The following CUX2 variants were observed in gnomAD, a reference collection of about 807,000 sequenced individuals.
CUX2 encodes homeobox protein cut-like 2.
In CUX2, 40 loss-of-function variants were observed where a neutral mutation model predicts 144.8. That is an observed-to-expected ratio of 0.28 (90% confidence interval 0.21 to 0.36). The LOEUF is 0.36. Among genes scored for constraint, CUX2 ranks in the 10% least tolerant of loss-of-function variants. The probability of loss-of-function intolerance (pLI) is 1.00; values close to 1 mark genes in which losing one functional copy is unlikely to be tolerated. For missense variants in CUX2, 1,615 were observed against 1,994.0 expected, an observed-to-expected ratio of 0.81 and a Z score of 3.62; for synonymous variants, 827 against 875.6, an observed-to-expected ratio of 0.94 and a Z score of 0.98.
chr12:111,157,219 C>T (rs1354884562), intron 1 of CUX2, among the ~76,000 whole-genome samples: 1 of 148,312 alleles, frequency 6.7e-6, no homozygotes, highest in Non-Finnish European at 1.5e-5. Context: ...CTTCCTGGAG[C>T]TCTGCGTTGA....
chr12:111,124,026 A>G (rs1161328109), intron 1 of CUX2, among the ~76,000 whole-genome samples: 1 of 152,208 alleles, frequency 6.6e-6, no homozygotes, highest in Non-Finnish European at 1.5e-5. Flanking sequence ...TAACCATTTC[A>G]GAGTGAACAA....
At chr12:111,084,224 C>T (rs1025918976) in intron 1 of CUX2, among the ~76,000 whole-genome samples, 1 of 152,140 alleles carries the variant, frequency 6.6e-6, no homozygotes, top group Non-Finnish European at 1.5e-5. Context: ...GTTAGTGGTG[C>T]CTGGGCTGGT....
chr12:111,105,100 A>T (rs1873512350), intron 1 of CUX2, among the ~76,000 whole-genome samples: 2 of 152,178 alleles, frequency 1.3e-5, no homozygotes, highest in Admixed American at 1.3e-4. Context: ...CGCTATCCCC[A>T]GAATTGACTC....
chr12:111,034,869 C>T lies in CUX2; in HGVS notation c.63+629C>T, dbSNP rs1388588766. Among the ~76,000 whole-genome samples the T allele has an allele frequency of 6.7e-6, 1 of 149,330 alleles. No individual in the cohort carries two copies. Among genetic ancestry groups the T allele is most frequent in the Non-Finnish European group, 1.5e-5 (1 of 67,092 alleles). On this transcript the variant is annotated intron_variant, in intron 1 of 21. Coordinates refer to ENST00000261726, the MANE Select transcript of CUX2 (RefSeq NM_015267.4). The surrounding 1 kb of genome is among the most constrained non-coding windows in gnomAD (Gnocchi z 4.2). ...CGCGCCGCCACCCGGGGGCCGCCGCCGCCGCCGCCAGAGCCGCCGCCGCCG... is the reference window on the plus strand; with the variant it reads ...CGCGCCGCCACCCGGGGGCCGCCGCTGCCGCCGCCAGAGCCGCCGCCGCCG...
intron 1 of CUX2, among the ~76,000 whole-genome samples, chr12:111,166,397 C>T (rs996181639): frequency 2.0e-5 from 3 of 152,206 alleles, no homozygotes; most frequent in African/African-American, 4.8e-5. Context: ...GGAAAGCTGA[C>T]ATTATCAGTT....
Position 111,089,653 on chromosome 12 carries a change from G to C in CUX2, c.63+55413G>C, listed in dbSNP as rs1323060396. ...CTGCAGGAGGCAGCATCGAAGCTGAGAGCTGAAAGATGGCTGGGCATTCCT... is the reference window on the plus strand; with the variant it reads ...CTGCAGGAGGCAGCATCGAAGCTGACAGCTGAAAGATGGCTGGGCATTCCT... On this transcript the variant is annotated intron_variant, in intron 1 of 21. Transcript: ENST00000261726. 2.6e-5 allele frequency among the ~76,000 whole-genome samples: 4 copies of C among 152,240 alleles called. No individual in the cohort carries two copies. In the East Asian group the frequency reaches 7.7e-4, roughly 29 times the overall value.
intron 3 of CUX2, among the ~76,000 whole-genome samples, chr12:111,222,766 G>A (rs1881918527): frequency 6.6e-6 from 1 of 152,140 alleles, no homozygotes; most frequent in South Asian, 2.1e-4. Flanking sequence ...CACCATGGTG[G>A]GCGTGCATGG....
chr12:111,039,160 G>A lies in CUX2; in HGVS notation c.63+4920G>A, dbSNP rs76537812. On this transcript the variant is annotated intron_variant, in intron 1 of 21. Transcript: ENST00000261726. This position sits in a 1 kb window ranked among gnomAD's most constrained non-coding sequence, Gnocchi z 4.2. ...CTGCTTCTGAAAGGGCTGAATTTCC[G>A]GTGGCTTCCTGGCTATCTAATTCAA... Among the ~76,000 whole-genome samples, 1,450 of 152,200 alleles carry A rather than the reference G, an allele frequency of 9.5e-3. 27 individuals carry two copies. The highest frequency in any genetic ancestry group is 0.034 in the African/African-American group (1,400 of 41,508).
intron 1 of CUX2, among the ~76,000 whole-genome samples, chr12:111,193,526 A>C (rs540095689): frequency 1.3e-5 from 2 of 152,352 alleles, no homozygotes; most frequent in African/African-American, 4.8e-5. Context: ...ATCTTTGGGG[A>C]ACAAATTCTG....
chr12:111,055,498 T>C (rs1183309728), intron 1 of CUX2, among the ~76,000 whole-genome samples: 4 of 152,238 alleles, frequency 2.6e-5, no homozygotes, highest in Non-Finnish European at 5.9e-5. Context: ...CTTTGTGAAA[T>C]TCATCTCTGG....
intron 1 of CUX2, chr12:111,099,318 C>T (rs1369248696): frequency 1.8e-5 from 6 of 338,924 alleles, no homozygotes; most frequent in Admixed American, 1.5e-4. Flanking sequence ...CAGGGTGTGG[C>T]AAGAGCTGAG....
At chr12:111,282,721 C>G (rs1318337304) in intron 4 of CUX2, among the ~76,000 whole-genome samples, 3 of 151,478 alleles carry the variant, frequency 2.0e-5, no homozygotes, top group African/African-American at 7.3e-5. Context: ...AGTCCAAGAT[C>G]AAGGTGCCTT....
intron 1 of CUX2, among the ~76,000 whole-genome samples, chr12:111,069,553 C>T (rs932435902): frequency 2.6e-4 from 35 of 136,544 alleles, no homozygotes; most frequent in African/African-American, 7.5e-4. Flanking sequence ...TGTGTGTGTG[C>T]GCGCGCGTGT....
At chr12:111,318,685 C>T (rs1240880503) in intron 16 of CUX2, among the ~76,000 whole-genome samples, 1 of 151,902 alleles carries the variant, frequency 6.6e-6, no homozygotes, top group Non-Finnish European at 1.5e-5. Flanking sequence ...GATCATCCCA[C>T]TATTTTTTTT....
At chr12:111,220,143 C>CA (rs61639519) in intron 3 of CUX2, among the ~76,000 whole-genome samples, 3,118 of 108,506 alleles carry the variant, frequency 0.029, 88 homozygotes, top group African/African-American at 0.079. Flanking sequence ...GACTCTGTCT[C>CA]AAAAAAAAAA....
rs973577832 is a variant in CUX2 at position 111,068,770 on chromosome 12, T to C, written c.63+34530T>C. On this transcript the variant is annotated intron_variant, in intron 1 of 21. Coordinates refer to ENST00000261726, the MANE Select transcript of CUX2 (RefSeq NM_015267.4). The surrounding 1 kb of genome is among the most constrained non-coding windows in gnomAD (Gnocchi z 4.9). The stretch of plus-strand genomic sequence containing the variant: ...AGACGGGGTGCCGGTAATGCCCCCA[T>C]GGCCCTCCTGTTGGACAGGAGGGGA... 6.6e-6 allele frequency among the ~76,000 whole-genome samples: 1 copy of C among 152,126 alleles called. No individual in the cohort carries two copies. Among genetic ancestry groups the C allele is most frequent in the African/African-American group, 2.4e-5 (1 of 41,438 alleles).
chr12:111,089,089 C>T (rs1872411899), intron 1 of CUX2, among the ~76,000 whole-genome samples: 1 of 152,210 alleles, frequency 6.6e-6, no homozygotes, highest in African/African-American at 2.4e-5. Flanking sequence ...AAGGGACCTG[C>T]AGGATATTCC....
chr12:111,295,323 C>T lies in CUX2; in HGVS notation c.561-10C>T. On this transcript the variant is annotated splice_polypyrimidine_tract_variant and intron_variant, in intron 6 of 21. Coordinates refer to ENST00000261726, the MANE Select transcript of CUX2 (RefSeq NM_015267.4). The surrounding 1 kb of genome is among the most constrained non-coding windows in gnomAD (Gnocchi z 5.0). Reference sequence around the variant, plus strand: ...TGCAGCCAGCACAAGCAGGCCTCGTCTCTCCGCAGGGGCCTTCAAGAAGTA... The same window carrying T: ...TGCAGCCAGCACAAGCAGGCCTCGTTTCTCCGCAGGGGCCTTCAAGAAGTA... 1 of 1,611,276 alleles carries T rather than the reference C, an allele frequency of 6.2e-7. No homozygotes were observed. The highest frequency in any genetic ancestry group is 8.5e-7 in the Non-Finnish European group (1 of 1,178,956).
intron 1 of CUX2, among the ~76,000 whole-genome samples, chr12:111,153,206 G>A (rs1566257542): frequency 6.6e-6 from 1 of 152,162 alleles, no homozygotes; most frequent in Non-Finnish European, 1.5e-5. Context: ...TGCTGAATGC[G>A]TGGCATTCTT....
Sources: gnomAD v4.1 joint callset for allele counts (sites outside exome capture counted in the v4.1 genomes callset) on GRCh38, gnomAD v4.1.1 for gene constraint, Gnocchi (gnomAD v3.1) non-coding constraint, MANE v1.5 for transcripts, NCBI Gene and HGNC (gene_info 2026-07-23, HGNC 2026-07-21) for gene names.